CFTR: variants seen among roughly 807,000 people sequenced by gnomAD.
The protein encoded by CFTR is cystic fibrosis transmembrane conductance regulator.
CFTR carries 181 observed loss-of-function variants against 171.6 expected under a neutral mutation model. The ratio of observed to expected loss-of-function variants is 1.05; its 90% CI spans 0.93 to 1.19. CFTR has a LOEUF of 1.19. Among genes scored for constraint, CFTR ranks in the 50% most tolerant of loss-of-function variants. The pLI is 0.00. For missense variants in CFTR, 1,968 were observed against 1,734.7 expected, an observed-to-expected ratio of 1.13 and a Z score of -2.39; for synonymous variants, 583 against 608.0, an observed-to-expected ratio of 0.96 and a Z score of 0.60.
chr7:117,556,729 C>T (rs929271003), intron 10 of CFTR, among the ~76,000 whole-genome samples: 4 of 150,050 alleles, frequency 2.7e-5, no homozygotes, highest in Non-Finnish European at 5.9e-5. Context: ...CCGTTTTAGC[C>T]GGGATGGTCT....
chr7:117,480,091 G>T lies in CFTR; in HGVS notation c.-4G>T. 6.2e-7 allele frequency: 1 copy of T among 1,613,926 alleles called. No individual in the cohort carries two copies. The highest frequency in any genetic ancestry group is 1.1e-5 in the South Asian group (1 of 91,048). On this transcript the variant is annotated 5_prime_UTR_variant, in exon 1 of 27. Coordinates refer to ENST00000003084, the MANE Select transcript of CFTR (RefSeq NM_000492.4). ...CTAGCAGGGACCCCAGCGCCCGAGAGACCATGCAGAGGTCGCCTCTGGAAA... is the reference window on the plus strand; with the variant it reads ...CTAGCAGGGACCCCAGCGCCCGAGATACCATGCAGAGGTCGCCTCTGGAAA...
At chr7:117,523,385 T>G (rs1423565554) in intron 3 of CFTR, among the ~76,000 whole-genome samples, 2 of 151,350 alleles carry the variant, frequency 1.3e-5, no homozygotes, top group African/African-American at 4.8e-5. Flanking sequence ...TTTTTTGTTT[T>G]TTTTTTTTTG....
rs764227419 is a variant in CFTR at position 117,531,077 on chromosome 7, A to C, written c.452A>C (p.Gln151Pro). ...TTTGGCCTTCATCACATTGGAATGC[A>C]GATGAGAATAGCTATGTTTAGTTTG... The part of the protein sequence containing the change: ...AIFGLHHIGM[Q>P]MRIAMFSLIY... The change falls in exon 4 of 27, where the codon CAG becomes CCG. Residue 151 changes from glutamine (Q) to proline (P), a missense_variant. Physicochemically the swap from Gln to Pro is moderately conservative, Grantham distance 76. Transcript: ENST00000003084. 1 of 1,613,670 alleles carries C rather than the reference A, an allele frequency of 6.2e-7. No individual in the cohort carries two copies.
chr7:117,485,374 T>A (rs1056307698), intron 1 of CFTR, among the ~76,000 whole-genome samples: 3 of 152,076 alleles, frequency 2.0e-5, no homozygotes, highest in African/African-American at 7.2e-5. Flanking sequence ...TGCAATGAGG[T>A]CAAAAGGGGA....
At chr7:117,531,404 T>C (rs1235930363) in intron 4 of CFTR, among the ~76,000 whole-genome samples, 2 of 152,110 alleles carry the variant, frequency 1.3e-5, no homozygotes, top group Non-Finnish European at 2.9e-5. Context: ...CCTGTTAAGA[T>C]GACTCACACA....
intron 11 of CFTR, among the ~76,000 whole-genome samples, chr7:117,580,252 A>G (rs1791830702): frequency 6.6e-6 from 1 of 152,126 alleles, no homozygotes; most frequent in African/African-American, 2.4e-5. Context: ...ACAGACTTCA[A>G]TAAAAATAGG....
At chr7:117,512,482 C>T (rs1392021169) in intron 3 of CFTR, among the ~76,000 whole-genome samples, 2 of 151,650 alleles carry the variant, frequency 1.3e-5, no homozygotes, top group Non-Finnish European at 2.9e-5. Flanking sequence ...AAAAATCAGC[C>T]AGGTGTGGTG....
chr7:117,522,836 TA>T (rs4148693), intron 3 of CFTR, among the ~76,000 whole-genome samples: 99 of 148,204 alleles, frequency 6.7e-4, no homozygotes, highest in African/African-American at 1.8e-3. Flanking sequence ...TTTTTCCAAA[TA>T]AAAAAAAAAT....
At chr7:117,517,701 C>T (rs1390476342) in intron 3 of CFTR, among the ~76,000 whole-genome samples, 2 of 152,220 alleles carry the variant, frequency 1.3e-5, no homozygotes, top group East Asian at 3.9e-4. Flanking sequence ...TATTTCTCCA[C>T]ATCCGCTCCA....
rs34877038 is a variant in CFTR at position 117,619,951 on chromosome 7, C to T, written c.3468+5238C>T. ...AAGTGACTGATTGTACCATGACCAA[C>T]AAGAAGCCTGATGTGTGGAGAAAAG... On this transcript the variant is annotated intron_variant, in intron 21 of 26. Transcript: ENST00000003084. Among the ~76,000 whole-genome samples, 30 of 152,072 alleles carry T rather than the reference C, an allele frequency of 2.0e-4. No individual in the cohort carries two copies. In the East Asian group the frequency reaches 5.6e-3, roughly 29 times the overall value.
In CFTR at chr7:117,509,162, A is replaced by C; in HGVS notation, c.273+20A>C. On this transcript the variant is annotated intron_variant, in intron 3 of 26. Coordinates refer to ENST00000003084, the MANE Select transcript of CFTR (RefSeq NM_000492.4). ...TTAGGGGTAAGGATCTCATTTGTAC[A>C]TTCATTATGTATCACATAACTATAT... 1 of 1,283,824 alleles carries C rather than the reference A, an allele frequency of 7.8e-7. No homozygotes were observed. The allele number at this position is 1,283,824 out of a possible 1,614,324, so 79.5% of individuals were successfully genotyped here.
chr7:117,648,250 T>G (rs2116184691), intron 23 of CFTR, among the ~76,000 whole-genome samples: 1 of 152,050 alleles, frequency 6.6e-6, no homozygotes, highest in East Asian at 1.9e-4. Flanking sequence ...CACTTCCCAC[T>G]TATGTAATTT....
chr7:117,612,054 C>CATAT (rs1295752704), intron 20 of CFTR, among the ~76,000 whole-genome samples: 4 of 46,516 alleles, frequency 8.6e-5, no homozygotes, highest in African/African-American at 2.2e-4. Context: ...TATATATATA[C>CATAT]ATATATATAT....
At chr7:117,573,909 A>G (rs1053467423) in intron 11 of CFTR, among the ~76,000 whole-genome samples, 19 of 152,202 alleles carry the variant, frequency 1.2e-4, no homozygotes, top group African/African-American at 4.6e-4. Flanking sequence ...TTTGTGGATA[A>G]CTCCAAGGGA....
intron 4 of CFTR, among the ~76,000 whole-genome samples, chr7:117,531,473 T>C (rs936139993): frequency 2.0e-5 from 3 of 152,126 alleles, no homozygotes; most frequent in African/African-American, 7.2e-5. Context: ...CATATCTTTA[T>C]GTTCAGCAAG....
chr7:117,621,395 ACAACT>A (rs902946834), intron 21 of CFTR, among the ~76,000 whole-genome samples: 7 of 152,200 alleles, frequency 4.6e-5, no homozygotes, highest in Non-Finnish European at 1.0e-4. Context: ...CGTCTTTATG[ACAACT>A]CAACTCAGTC....
intron 11 of CFTR, among the ~76,000 whole-genome samples, chr7:117,583,134 CTT>C (rs1791873959): frequency 1.3e-5 from 2 of 152,064 alleles, no homozygotes; most frequent in Non-Finnish European, 2.9e-5. Flanking sequence ...CATTTGTAGT[CTT>C]TGGACATTTA....
intron 10 of CFTR, among the ~76,000 whole-genome samples, chr7:117,550,490 T>G: frequency 6.6e-6 from 1 of 152,312 alleles, no homozygotes; most frequent in East Asian, 1.9e-4. Context: ...TTATTATTTT[T>G]CTTTTATATC....
intron 11 of CFTR, among the ~76,000 whole-genome samples, chr7:117,583,314 T>TCC (rs368344796): frequency 1.6e-4 from 24 of 149,306 alleles, no homozygotes; most frequent in East Asian, 6.0e-4. Flanking sequence ...TAGTCTTTTA[T>TCC]CCCCCCCCCG....
Sources: allele counts gnomAD v4.1 joint callset (sites outside exome capture counted in the v4.1 genomes callset), GRCh38; gene constraint gnomAD v4.1.1; transcripts MANE v1.5; gene names NCBI Gene and HGNC (gene_info 2026-07-23, HGNC 2026-07-21).